The following CCNJL variants were observed in gnomAD, a reference collection of about 807,000 sequenced individuals.
The protein encoded by CCNJL is cyclin J like.
A neutral mutation model predicts 33.4 loss-of-function variants in CCNJL; 33 were observed. The ratio of observed to expected loss-of-function variants is 0.99; its 90% CI spans 0.75 to 1.32. The LOEUF (loss-of-function observed/expected upper bound fraction) is 1.32, where lower values mean the gene tolerates loss of function less well. Ranked by LOEUF, CCNJL falls within the 40% of genes most tolerant of loss-of-function variation. CCNJL has a pLI of 0.00. For synonymous variants in CCNJL, 227 were observed against 220.9 expected (o/e 1.03, Z -0.24); for missense variants, 512 against 499.7 (o/e 1.02, Z -0.23).
chr5:160,254,095 G>A, intron 5 of CCNJL: 1 of 465,296 alleles, frequency 2.1e-6, no homozygotes, highest in South Asian at 5.1e-5. Context: ...ATACCCCAGA[G>A]AGTAACCTGC....
chr5:160,281,882 T>C, intron 2 of CCNJL, among the ~76,000 whole-genome samples: 1 of 152,138 alleles, frequency 6.6e-6, no homozygotes, highest in East Asian at 1.9e-4. Context: ...CTCAAACTCC[T>C]GACCTCAAGC....
chr5:160,326,486 C>CAAAAA (rs11461365), intron 1 of CCNJL, among the ~76,000 whole-genome samples: 612 of 57,620 alleles, frequency 0.011, 32 homozygotes, highest in African/African-American at 0.035. Flanking sequence ...ACTCTGTCTC[C>CAAAAA]AAAAAAAAAA....
intron 1 of CCNJL, among the ~76,000 whole-genome samples, chr5:160,337,515 T>C (rs757347383): frequency 2.0e-5 from 3 of 152,168 alleles, no homozygotes; most frequent in Non-Finnish European, 2.9e-5. Flanking sequence ...GGGCCCTACA[T>C]GATCTGGGTG....
At position 160,305,725 on chromosome 5, in the gene CCNJL, C is replaced by T. The variant is rs560139223; in HGVS notation, c.66+6133G>A. On this transcript the variant is annotated intron_variant, in intron 2 of 5. Coordinates refer to ENST00000257536, the MANE Select transcript of CCNJL (RefSeq NM_001308173.3). ...GCTTTGATACAATCCGCGGTTTCATCTCAGACACTTATTCCTGTGAGCCTT... is the reference window on the plus strand; with the variant it reads ...GCTTTGATACAATCCGCGGTTTCATTTCAGACACTTATTCCTGTGAGCCTT... 2.6e-5 allele frequency among the ~76,000 whole-genome samples: 4 copies of T among 152,330 alleles called. No individual in the cohort carries two copies. The South Asian group carries it at 8.3e-4, about 32-fold the overall frequency.
chr5:160,317,004 C>T (rs1763387910), upstream of CCNJL, among the ~76,000 whole-genome samples: 1 of 152,176 alleles, frequency 6.6e-6, no homozygotes, highest in African/African-American at 2.4e-5. Flanking sequence ...ATAGTGTTTC[C>T]TCATGGTGTT....
At chr5:160,272,472 C>T (rs569057275) in intron 3 of CCNJL, among the ~76,000 whole-genome samples, 15 of 152,206 alleles carry the variant, frequency 9.9e-5, no homozygotes, top group Non-Finnish European at 8.8e-5. Flanking sequence ...CTTGTCTGTG[C>T]TTCCTGGATA....
chr5:160,271,864 A>G (rs1197430840), intron 3 of CCNJL, among the ~76,000 whole-genome samples: 1 of 152,260 alleles, frequency 6.6e-6, no homozygotes, highest in African/African-American at 2.4e-5. Context: ...CAGGAAGGAA[A>G]TGGAGTTTCC....
At chr5:160,320,822 T>TTTCTTTCTTTCTTTCTTTCC (rs1561812426) in intron 1 of CCNJL, among the ~76,000 whole-genome samples, 57 of 113,366 alleles carry the variant, frequency 5.0e-4, no homozygotes, top group African/African-American at 1.9e-3. Flanking sequence ...TCTTTCTTTC[T>TTTCTTTCTTTCTTTCTTTCC]TTCTTTCTTT....
At chr5:160,324,977 G>A (rs954572681) in intron 1 of CCNJL, among the ~76,000 whole-genome samples, 1 of 152,160 alleles carries the variant, frequency 6.6e-6, no homozygotes, top group Non-Finnish European at 1.5e-5. Context: ...CAAGGTACTT[G>A]GTGTGTGTGC....
rs183097824 is a variant in CCNJL at position 160,256,243 on chromosome 5, G to A, written c.584-535C>T. On this transcript the variant is annotated intron_variant, in intron 4 of 5. Transcript: ENST00000257536. Reference sequence around the variant, plus strand: ...ACAGTGTTTTCAAAATACTGTCCACGGCTCCCAGGGAGCAGCAAGGAGCTT... The same window carrying A: ...ACAGTGTTTTCAAAATACTGTCCACAGCTCCCAGGGAGCAGCAAGGAGCTT... 4.9e-3 allele frequency among the ~76,000 whole-genome samples: 739 copies of A among 152,218 alleles called. 8 individuals are homozygous for A. Among genetic ancestry groups the A allele is most frequent in the Non-Finnish European group, 8.0e-3 (541 of 68,010 alleles).
At chr5:160,287,234 T>A (rs149863182) in intron 2 of CCNJL, among the ~76,000 whole-genome samples, 69 of 152,344 alleles carry the variant, frequency 4.5e-4, no homozygotes, top group African/African-American at 1.6e-3. Flanking sequence ...TGGCCCTTCC[T>A]CTTCCCTCAA....
chr5:160,256,719 C>T (rs921827934), intron 4 of CCNJL, among the ~76,000 whole-genome samples: 1 of 152,016 alleles, frequency 6.6e-6, no homozygotes, highest in Admixed American at 6.6e-5. Context: ...AGTTCGAGAC[C>T]AGCCTGGCCA....
intron 4 of CCNJL, chr5:160,258,181 T>C (rs1161202384): frequency 6.4e-6 from 3 of 472,222 alleles, no homozygotes; most frequent in African/African-American, 2.0e-5. Flanking sequence ...CCATTTTAGT[T>C]TGTGGTAGGT....
chr5:160,269,978 G>A (rs1455583695), intron 3 of CCNJL, among the ~76,000 whole-genome samples: 1 of 152,180 alleles, frequency 6.6e-6, no homozygotes, highest in East Asian at 1.9e-4. Context: ...TTGTTTTGAG[G>A]ATTAAATTAG....
intron 1 of CCNJL, among the ~76,000 whole-genome samples, chr5:160,325,641 AT>A (rs1311761933): frequency 3.4e-4 from 51 of 152,234 alleles, no homozygotes; most frequent in African/African-American, 1.2e-3. Flanking sequence ...TTTATGTCCT[AT>A]TTACTAAACA....
At chr5:160,315,540 G>A (rs1375360036), upstream of CCNJL, 1 of 207,992 alleles carries the variant, frequency 4.8e-6, no homozygotes, top group East Asian at 1.3e-4. Flanking sequence ...GAAAGAATAA[G>A]CTGTCTTTAA....
intron 2 of CCNJL, among the ~76,000 whole-genome samples, chr5:160,289,077 T>C (rs912761081): frequency 2.0e-5 from 3 of 152,138 alleles, no homozygotes; most frequent in African/African-American, 7.2e-5. Context: ...AACCCAGATT[T>C]TGGGCATGTG....
At chr5:160,308,689 C>T (rs1763170149) in intron 2 of CCNJL, among the ~76,000 whole-genome samples, 1 of 152,158 alleles carries the variant, frequency 6.6e-6, no homozygotes, top group Non-Finnish European at 1.5e-5. Flanking sequence ...ACCCGGGAGG[C>T]GGAGGTTGCA....
intron 5 of CCNJL, chr5:160,254,162 C>T (rs1221300148): frequency 6.2e-6 from 3 of 483,048 alleles, no homozygotes; most frequent in African/African-American, 4.0e-5. Flanking sequence ...TGCTTGTGCT[C>T]ACCAATGCCT....
Sources: gnomAD v4.1 joint callset for allele counts (sites outside exome capture counted in the v4.1 genomes callset) on GRCh38, gnomAD v4.1.1 for gene constraint, MANE v1.5 for transcripts, NCBI Gene and HGNC (gene_info 2026-07-23, HGNC 2026-07-21) for gene names.